Variants in SAMMSON observed in about 807,000 individuals in gnomAD.
The protein encoded by SAMMSON is long intergenic non-protein coding RNA 1212.
At chr3:70,311,928 G>A (rs1228023216) in intron 7 of SAMMSON, 1 of 397,628 alleles carries the variant, frequency 2.5e-6, no homozygotes, top group African/African-American at 2.1e-5. Flanking sequence ...TTTTCTAAAT[G>A]CTCAGCTGTT....
intron 7 of SAMMSON, among the ~76,000 whole-genome samples, chr3:70,332,538 A>G (rs887344505): frequency 6.6e-6 from 1 of 152,176 alleles, no homozygotes; most frequent in South Asian, 2.1e-4. Context: ...CAGTAGTAGC[A>G]TTAGAGTGAG....
At chr3:70,148,467 A>G (rs2067557985) in intron 4 of SAMMSON, among the ~76,000 whole-genome samples, 1 of 152,094 alleles carries the variant, frequency 6.6e-6, no homozygotes, top group Non-Finnish European at 1.5e-5. Flanking sequence ...TTGTGTTGCT[A>G]TAAAGGAATA....
intron 4 of SAMMSON, among the ~76,000 whole-genome samples, chr3:70,184,439 A>G (rs990540238): frequency 6.6e-6 from 1 of 152,182 alleles, no homozygotes; most frequent in Admixed American, 6.5e-5. Flanking sequence ...GAAAATGCTG[A>G]AATATTATCA....
At chr3:70,178,473 C>T (rs1387020911) in intron 4 of SAMMSON, among the ~76,000 whole-genome samples, 1 of 152,156 alleles carries the variant, frequency 6.6e-6, no homozygotes. Context: ...GCATAAATCT[C>T]CCACTAATGC....
At chr3:70,255,629 T>C (rs1161240355) in intron 6 of SAMMSON, among the ~76,000 whole-genome samples, 3 of 151,920 alleles carry the variant, frequency 2.0e-5, no homozygotes, top group East Asian at 3.9e-4. Context: ...GCCTGGCTAT[T>C]TTTTTTTCCT....
chr3:70,296,004 T>C (rs558892547), intron 7 of SAMMSON, among the ~76,000 whole-genome samples: 36 of 152,348 alleles, frequency 2.4e-4, no homozygotes, highest in African/African-American at 6.0e-4. Flanking sequence ...TACATGTATT[T>C]AAAACTGTGG....
At chr3:70,282,712 T>A (rs2106683394) in intron 6 of SAMMSON, among the ~76,000 whole-genome samples, 1 of 152,338 alleles carries the variant, frequency 6.6e-6, no homozygotes, top group East Asian at 1.9e-4. Flanking sequence ...ACCTTGTCTA[T>A]GCCCTTCTTG....
intron 3 of SAMMSON, among the ~76,000 whole-genome samples, chr3:70,035,255 A>G (rs756402767): frequency 2.0e-5 from 3 of 152,016 alleles, no homozygotes; most frequent in Non-Finnish European, 4.4e-5. Context: ...ATCCTGTTTC[A>G]TGTGTCCCCC....
At chr3:70,169,268 A>T (rs2067651526) in intron 4 of SAMMSON, among the ~76,000 whole-genome samples, 1 of 152,076 alleles carries the variant, frequency 6.6e-6, no homozygotes, top group Non-Finnish European at 1.5e-5. Context: ...AGCTTAAAAT[A>T]AACATAAGTA....
chr3:70,313,720 C>T (rs1373163067), intron 7 of SAMMSON, among the ~76,000 whole-genome samples: 1 of 152,060 alleles, frequency 6.6e-6, no homozygotes, highest in Non-Finnish European at 1.5e-5. Flanking sequence ...ACCTCGTTTC[C>T]TAACTTCATT....
intron 4 of SAMMSON, among the ~76,000 whole-genome samples, chr3:70,163,271 A>G (rs1277954794): frequency 1.3e-5 from 2 of 150,494 alleles, no homozygotes; most frequent in Non-Finnish European, 3.0e-5. Flanking sequence ...TTTTAAGTGT[A>G]CCATTTACAT....
At chr3:70,080,364 A>C (rs1401185736) in intron 4 of SAMMSON, among the ~76,000 whole-genome samples, 1 of 152,218 alleles carries the variant, frequency 6.6e-6, no homozygotes, top group African/African-American at 2.4e-5. Flanking sequence ...ACCCAACCTA[A>C]GGCAAGTGGC....
At chr3:70,368,491 A>C (rs1471341685) in intron 9 of SAMMSON, among the ~76,000 whole-genome samples, 2 of 151,656 alleles carry the variant, frequency 1.3e-5, no homozygotes, top group East Asian at 1.9e-4. Context: ...ATAGCTTTCA[A>C]ATTTTTAATA....
intron 1 of SAMMSON, among the ~76,000 whole-genome samples, chr3:70,005,312 C>A (rs547194337): frequency 1.4e-5 from 2 of 143,546 alleles, no homozygotes; most frequent in African/African-American, 2.5e-5. Context: ...ACAGTACTTA[C>A]ATTAGGAATG....
chr3:70,206,777 C>T (rs1407861741), intron 4 of SAMMSON: 5 of 397,436 alleles, frequency 1.3e-5, no homozygotes, highest in Non-Finnish European at 1.3e-5. Context: ...GCTTTGCATT[C>T]GTGAGTTGCG....
intron 4 of SAMMSON, among the ~76,000 whole-genome samples, chr3:70,201,009 A>G (rs1270366199): frequency 6.7e-6 from 1 of 148,744 alleles, no homozygotes; most frequent in Admixed American, 6.7e-5. Flanking sequence ...TATATTTAGA[A>G]CCTTTGTTTT....
At chr3:70,285,163 T>C (rs1702130786) in intron 6 of SAMMSON, among the ~76,000 whole-genome samples, 1 of 150,856 alleles carries the variant, frequency 6.6e-6, no homozygotes, top group Non-Finnish European at 1.5e-5. Context: ...CCCACTAACT[T>C]GTCATCTAGC....
chr3:70,293,102 A>T (rs957395363), intron 7 of SAMMSON, among the ~76,000 whole-genome samples: 17 of 151,062 alleles, frequency 1.1e-4, no homozygotes, highest in Non-Finnish European at 1.8e-4. Context: ...AAGAAAGAAA[A>T]TTCAGTATTC....
intron 6 of SAMMSON, among the ~76,000 whole-genome samples, chr3:70,288,375 G>C (rs1486519946): frequency 7.2e-6 from 1 of 139,618 alleles, no homozygotes; most frequent in African/African-American, 2.7e-5. Flanking sequence ...GGTTTTGAGT[G>C]AGATTCTTAA....
Sources: allele counts gnomAD v4.1 joint callset (sites outside exome capture counted in the v4.1 genomes callset), GRCh38; gene constraint gnomAD v4.1.1; transcripts MANE v1.5; gene names NCBI Gene and HGNC (gene_info 2026-07-23, HGNC 2026-07-21).